The following SLX4IP variants were observed in gnomAD, a reference collection of about 807,000 sequenced individuals.
SLX4IP encodes the protein protein SLX4IP.
In SLX4IP, 34 loss-of-function variants were observed where a neutral mutation model predicts 32.9. That is an observed-to-expected ratio of 1.03 (90% confidence interval 0.79 to 1.38). The LOEUF (loss-of-function observed/expected upper bound fraction) is 1.38, where lower values mean the gene tolerates loss of function less well. Ranked by LOEUF, SLX4IP falls within the 40% of genes most tolerant of loss-of-function variation. SLX4IP has a pLI of 0.00. For synonymous variants in SLX4IP, 172 were observed against 171.7 expected (o/e 1.00, Z -0.01); for missense variants, 444 against 479.0 (o/e 0.93, Z 0.68).
In SLX4IP at chr20:10,464,717, T is replaced by C. The variant is rs77257120; in HGVS notation, c.27+6486T>C. ...GTTTATTCTAAGACTGCCCTTGGAA[T>C]GGCATTAATTATTCATGCAAACGAC... On this transcript the variant is annotated intron_variant, in intron 2 of 7. Transcript: ENST00000334534. Among the ~76,000 whole-genome samples, 1,323 of 152,340 alleles carry C rather than the reference T, an allele frequency of 8.7e-3. 23 individuals are homozygous for C. The highest frequency in any genetic ancestry group is 0.03 in the African/African-American group (1,248 of 41,574).
At chr20:10,505,939 T>C (rs895529242) in intron 2 of SLX4IP, among the ~76,000 whole-genome samples, 5 of 152,234 alleles carry the variant, frequency 3.3e-5, no homozygotes, top group Non-Finnish European at 5.9e-5. Flanking sequence ...TGCATGCTGC[T>C]CCATTTTGTA....
chr20:10,443,617 A>G (rs1568683212), intron 1 of SLX4IP, among the ~76,000 whole-genome samples: 2 of 152,288 alleles, frequency 1.3e-5, no homozygotes, highest in African/African-American at 4.8e-5. Flanking sequence ...GGAGTTGGTT[A>G]TGTGGTGGCA....
At chr20:10,598,628 T>C in intron 4 of SLX4IP, 47 bp from the exon 5 acceptor site, 1 of 1,552,852 alleles carries the variant, frequency 6.4e-7, no homozygotes, top group Non-Finnish European at 8.9e-7. Flanking sequence ...TCCAGAGATT[T>C]AGCGGCAAAC....
intron 5 of SLX4IP, among the ~76,000 whole-genome samples, chr20:10,600,517 A>G (rs2066829053): frequency 6.6e-6 from 1 of 152,176 alleles, no homozygotes. Context: ...GGATAAGGAG[A>G]GAGCTGTTAC....
chr20:10,598,162 A>G (rs914675531), intron 4 of SLX4IP, among the ~76,000 whole-genome samples: 7 of 152,226 alleles, frequency 4.6e-5, no homozygotes, highest in African/African-American at 1.7e-4. Context: ...TTCAGGGACT[A>G]GGGACTATGC....
chr20:10,600,381 G>A (rs1308348868), intron 5 of SLX4IP, among the ~76,000 whole-genome samples: 3 of 152,132 alleles, frequency 2.0e-5, no homozygotes, highest in Non-Finnish European at 4.4e-5. Flanking sequence ...TTGGGCACTG[G>A]GGAGCCATGG....
At position 10,623,399 on chromosome 20, in the gene SLX4IP, G is replaced by A. The variant is rs371493652; in HGVS notation, c.*20G>A. The A allele has an allele frequency of 1.2e-5, 19 of 1,584,570 alleles. No homozygotes were observed. In the African/African-American group the frequency reaches 1.8e-4, roughly 15 times the overall value. ...CATTAACACCGAAGAGGTTTGTACC[G>A]TTGGAGTTGAGGACATAGTGGCCAA... On this transcript the variant is annotated 3_prime_UTR_variant, in exon 8 of 8. Coordinates refer to ENST00000334534, the MANE Select transcript of SLX4IP (RefSeq NM_001009608.3).
chr20:10,510,471 G>T lies in SLX4IP; in HGVS notation c.28-45760G>T, dbSNP rs373856334. On this transcript the variant is annotated intron_variant, in intron 2 of 7. Transcript: ENST00000334534. ...TCTTGCTTCCTGCTAGTATCAGCGG[G>T]GAGCACGGAGCCCTGCTGGTGGAGC... Among the ~76,000 whole-genome samples, 3 of 152,192 alleles carry T rather than the reference G, an allele frequency of 2.0e-5. No individual in the cohort carries two copies. In the South Asian group the frequency reaches 6.2e-4, roughly 32 times the overall value.
intron 4 of SLX4IP, among the ~76,000 whole-genome samples, chr20:10,569,001 G>A (rs538386329): frequency 6.6e-6 from 1 of 152,196 alleles, no homozygotes; most frequent in East Asian, 1.9e-4. Context: ...AAATACCTTA[G>A]TAATCTCTGT....
At chr20:10,575,950 C>G (rs2066518745) in intron 4 of SLX4IP, among the ~76,000 whole-genome samples, 1 of 152,030 alleles carries the variant, frequency 6.6e-6, no homozygotes. Flanking sequence ...AGTGAAGAGG[C>G]CTTGTTTAGG....
chr20:10,535,431 C>T (rs1278162853), intron 2 of SLX4IP, among the ~76,000 whole-genome samples: 2 of 152,136 alleles, frequency 1.3e-5, no homozygotes, highest in African/African-American at 4.8e-5. Flanking sequence ...AAGCAGTTCT[C>T]CTGCCTCAGC....
intron 5 of SLX4IP, 149 bp from the exon 6 acceptor site, chr20:10,601,582 A>G (rs1305744620): frequency 4.7e-6 from 3 of 636,370 alleles, no homozygotes; most frequent in Non-Finnish European, 8.1e-6. Context: ...TTGACGGCAA[A>G]CACCGAAAGG....
At chr20:10,511,975 G>A (rs140902202) in intron 2 of SLX4IP, among the ~76,000 whole-genome samples, 1 of 152,304 alleles carries the variant, frequency 6.6e-6, no homozygotes, top group East Asian at 1.9e-4. Flanking sequence ...TCAGATAATA[G>A]CATACAAATG....
chr20:10,453,091 G>A (rs1013877146), intron 1 of SLX4IP, among the ~76,000 whole-genome samples: 3 of 151,844 alleles, frequency 2.0e-5, no homozygotes, highest in African/African-American at 7.3e-5. Flanking sequence ...TAATATCATC[G>A]TAAGCATAAT....
intron 2 of SLX4IP, among the ~76,000 whole-genome samples, chr20:10,474,112 G>A (rs1051580111): frequency 6.6e-6 from 1 of 151,836 alleles, no homozygotes; most frequent in African/African-American, 2.4e-5. Flanking sequence ...CGTGAGCCAC[G>A]GTGCTCGGCC....
intron 1 of SLX4IP, among the ~76,000 whole-genome samples, chr20:10,447,705 T>G (rs2065212659): frequency 6.6e-6 from 1 of 151,930 alleles, no homozygotes; most frequent in Non-Finnish European, 1.5e-5. Context: ...TCTTCTTTAG[T>G]TTTTGTTTTT....
At chr20:10,556,687 G>A (rs1249150337) in intron 3 of SLX4IP, among the ~76,000 whole-genome samples, 1 of 152,214 alleles carries the variant, frequency 6.6e-6, no homozygotes, top group Non-Finnish European at 1.5e-5. Flanking sequence ...AGCACCTGAA[G>A]CAGGTGTGGC....
intron 2 of SLX4IP, among the ~76,000 whole-genome samples, chr20:10,504,898 C>G (rs1017315332): frequency 8.6e-5 from 13 of 151,970 alleles, no homozygotes; most frequent in African/African-American, 3.1e-4. Flanking sequence ...ACTGTTCCGA[C>G]CTATAGCCAC....
chr20:10,520,839 C>T (rs1482590499), intron 2 of SLX4IP, among the ~76,000 whole-genome samples: 2 of 152,156 alleles, frequency 1.3e-5, no homozygotes, highest in Non-Finnish European at 2.9e-5. Flanking sequence ...GACTTTGAAA[C>T]AAAAATAATA....
Sources: gnomAD v4.1 joint callset for allele counts (sites outside exome capture counted in the v4.1 genomes callset) on GRCh38, gnomAD v4.1.1 for gene constraint, MANE v1.5 for transcripts, NCBI Gene and HGNC (gene_info 2026-07-23, HGNC 2026-07-21) for gene names.